Variants in TENM3 observed in about 807,000 individuals in gnomAD.
TENM3 encodes the protein teneurin transmembrane protein 3, also known as teneurin-3.
In TENM3, 63 loss-of-function variants were observed where a neutral mutation model predicts 255.1. The observed-to-expected ratio is 0.25, with a 90% CI of 0.20 to 0.30. The LOEUF is 0.30. Among genes scored for constraint, TENM3 ranks in the 10% least tolerant of loss-of-function variants. The pLI is 1.00. For synonymous variants in TENM3, 1,306 were observed against 1,322.3 expected, an observed-to-expected ratio of 0.99 and a Z score of 0.27; for missense variants, 2,929 against 3,461.1, an observed-to-expected ratio of 0.85 and a Z score of 3.86.
intron 1 of TENM3, among the ~76,000 whole-genome samples, chr4:182,202,465 C>T (rs1754248278): frequency 1.3e-5 from 2 of 151,980 alleles, no homozygotes; most frequent in South Asian, 4.2e-4. Flanking sequence ...ACCACCACAC[C>T]CAGCTACTTT....
chr4:181,576,060 A>G, the TENM3 span, among the ~76,000 whole-genome samples: 1 of 152,212 alleles, frequency 6.6e-6, no homozygotes, highest in Non-Finnish European at 1.5e-5. Flanking sequence ...TCATCTGAAT[A>G]ATGGACATTG....
At chr4:182,331,450 G>A (rs547863916) in intron 2 of TENM3, among the ~76,000 whole-genome samples, 2 of 152,246 alleles carry the variant, frequency 1.3e-5, no homozygotes, top group East Asian at 3.9e-4. Flanking sequence ...GGAGGCTAAG[G>A]CACAAGAAGC....
the TENM3 span, among the ~76,000 whole-genome samples, chr4:181,579,248 G>A: frequency 6.6e-6 from 1 of 151,906 alleles, no homozygotes; most frequent in Non-Finnish European, 1.5e-5. Flanking sequence ...ACATCAGGGT[G>A]CCCTCACCCC....
chr4:181,882,377 G>T, the TENM3 span, among the ~76,000 whole-genome samples: 12 of 152,310 alleles, frequency 7.9e-5, no homozygotes, highest in Non-Finnish European at 1.8e-4. Context: ...GAAATGAAAG[G>T]AGTGAGCCTT....
the TENM3 span, among the ~76,000 whole-genome samples, chr4:181,689,657 C>T: frequency 6.6e-6 from 1 of 152,082 alleles, no homozygotes; most frequent in East Asian, 1.9e-4. Flanking sequence ...AATTCACTCC[C>T]CTTGAGGACA....
chr4:181,894,623 G>A, the TENM3 span, among the ~76,000 whole-genome samples: 254 of 151,826 alleles, frequency 1.7e-3, no homozygotes, highest in South Asian at 0.011. Context: ...TTTAAGGTCA[G>A]AATCCTTAAT....
At chr4:181,467,610 A>G in the TENM3 span, among the ~76,000 whole-genome samples, 17,708 of 149,804 alleles carry the variant, frequency 0.12, 1,272 homozygotes, top group East Asian at 0.15. Context: ...ATATTTCTAG[A>G]AAAAAAGATT....
At chr4:182,558,532 T>C (rs1742803109) in intron 3 of TENM3, among the ~76,000 whole-genome samples, 1 of 152,170 alleles carries the variant, frequency 6.6e-6, no homozygotes, top group Middle Eastern at 3.2e-3. Flanking sequence ...TCTTAAAAGA[T>C]ACTGTGTATC....
chr4:182,258,816 C>G (rs1368040475), intron 1 of TENM3, among the ~76,000 whole-genome samples: 2 of 152,176 alleles, frequency 1.3e-5, no homozygotes, highest in Non-Finnish European at 2.9e-5. Context: ...ACTCACTCCT[C>G]TCCTCTTCTC....
chr4:181,654,580 C>T, the TENM3 span, among the ~76,000 whole-genome samples: 1 of 151,800 alleles, frequency 6.6e-6, no homozygotes, highest in African/African-American at 2.4e-5. Context: ...ATGGTGAAAC[C>T]CCGTCTCTAC....
intron 1 of TENM3, among the ~76,000 whole-genome samples, chr4:182,273,830 A>G (rs987332806): frequency 3.9e-5 from 6 of 152,238 alleles, no homozygotes; most frequent in Non-Finnish European, 8.8e-5. Context: ...CAATTCGGAA[A>G]TTTGAGCTTT....
chr4:182,770,979 G>A (rs1267879284), intron 22 of TENM3, among the ~76,000 whole-genome samples: 1 of 152,148 alleles, frequency 6.6e-6, no homozygotes, highest in Admixed American at 6.5e-5. Context: ...GGGCCGCTAG[G>A]ATCCCAGCTT....
chr4:181,932,153 C>A, the TENM3 span, among the ~76,000 whole-genome samples: 3 of 152,168 alleles, frequency 2.0e-5, no homozygotes, highest in East Asian at 1.9e-4. Context: ...GCAACAAAAG[C>A]CAAAATTGAC....
intron 1 of TENM3, among the ~76,000 whole-genome samples, chr4:182,307,980 C>T (rs1041744318): frequency 2.6e-5 from 4 of 152,200 alleles, no homozygotes; most frequent in Admixed American, 2.6e-4. Context: ...TCAGGAAGAG[C>T]TTTGGAAGAA....
At chr4:181,882,787 T>C in the TENM3 span, among the ~76,000 whole-genome samples, 4 of 152,326 alleles carry the variant, frequency 2.6e-5, no homozygotes, top group African/African-American at 7.2e-5. Context: ...TTCTTCTAAA[T>C]TGGTCCAATG....
intron 3 of TENM3, among the ~76,000 whole-genome samples, chr4:182,456,188 A>T (rs369822634): frequency 1.1e-4 from 17 of 152,358 alleles, no homozygotes; most frequent in Middle Eastern, 3.4e-3. Context: ...AATGGCTTAC[A>T]TAGGAGCTGA....
rs1291415088 is a variant in TENM3, at chr4:182,754,532, G to C, written c.4165G>C (p.Val1389Leu). 1.2e-6 allele frequency: 2 copies of C among 1,613,876 alleles called. No individual in the cohort carries two copies. Among genetic ancestry groups the C allele is most frequent in the African/African-American group, 2.7e-5 (2 of 74,942 alleles). Residue 1389 changes from valine to leucine, a missense_variant, in exon 22 of 28, where the codon GTG (valine) becomes CTG (leucine). By Grantham distance (32) the Val-to-Leu change is conservative. Coordinates refer to ENST00000511685, the MANE Select transcript of TENM3 (RefSeq NM_001080477.4). This position sits in a 1 kb window ranked among gnomAD's most constrained non-coding sequence, Gnocchi z 5.1. ...GCCCATGCACTGTCAGGTTCCCGGAGTGGAATATCCTGTGGGGAAGCACGC... is the reference window on the plus strand; with the variant it reads ...GCCCATGCACTGTCAGGTTCCCGGACTGGAATATCCTGTGGGGAAGCACGC... ...GRPMHCQVPG[V>L]EYPVGKHAVQ...
At chr4:182,224,527 T>C (rs978661209) in intron 1 of TENM3, among the ~76,000 whole-genome samples, 11 of 152,194 alleles carry the variant, frequency 7.2e-5, no homozygotes, top group African/African-American at 1.2e-4. Context: ...TTCAAAATTA[T>C]TGTTATTTAA....
At chr4:181,449,719 C>T in the TENM3 span, among the ~76,000 whole-genome samples, 1 of 151,942 alleles carries the variant, frequency 6.6e-6, no homozygotes, top group Non-Finnish European at 1.5e-5. Context: ...CCCAGAAGGC[C>T]GAGGTTGCAA....
Sources: allele counts gnomAD v4.1 joint callset (sites outside exome capture counted in the v4.1 genomes callset), GRCh38; gene constraint gnomAD v4.1.1; non-coding constraint Gnocchi (gnomAD v3.1); transcripts MANE v1.5; gene names NCBI Gene and HGNC (gene_info 2026-07-23, HGNC 2026-07-21).